Variants in FHAD1 observed in about 807,000 individuals in gnomAD.
The protein encoded by FHAD1 is forkhead associated phosphopeptide binding domain 1, also known as forkhead-associated domain-containing protein 1.
Under a neutral mutation model 191.3 loss-of-function variants are expected in FHAD1, and 146 were observed. That is an observed-to-expected ratio of 0.76 (90% CI 0.67 to 0.88). The LOEUF (loss-of-function observed/expected upper bound fraction) is 0.88. FHAD1 is among the 40% of genes least tolerant of loss of function. The probability of loss-of-function intolerance (pLI) is 0.00; values close to 1 mark genes in which losing one functional copy is unlikely to be tolerated. For missense variants in FHAD1, 1,635 were observed against 1,785.8 expected, an observed-to-expected ratio of 0.92 and a Z score of 1.52; for synonymous variants, 616 against 672.3, an observed-to-expected ratio of 0.92 and a Z score of 1.29.
intron 26 of FHAD1, among the ~76,000 whole-genome samples, chr1:15,373,286 G>A (rs527719286): frequency 1.3e-4 from 19 of 151,952 alleles, no homozygotes; most frequent in South Asian, 1.0e-3. Flanking sequence ...CGAGGGAGGC[G>A]GATCACGAGG....
chr1:15,387,982 C>A, intron 31 of FHAD1, 69 bp from the exon 32 acceptor site: 2 of 857,818 alleles, frequency 2.3e-6, no homozygotes, highest in South Asian at 2.8e-5. Flanking sequence ...AGAGGCCTGT[C>A]CCAGATTGGA....
rs486557 is a variant in FHAD1, at chr1:15,289,643, G to A, written c.545G>A (p.Arg182His). The A allele has an allele frequency of 0.31, 484,801 of 1,548,806 alleles. 78,839 individuals are homozygous for A. The highest frequency in any genetic ancestry group is 0.35 in the Middle Eastern group (2,077 of 5,986). The change falls in exon 4 of 34, where the codon CGC becomes CAC. Residue 182 changes from arginine (R) to histidine (H), a missense_variant. Physicochemically the swap from Arg to His is conservative, Grantham distance 29 (BLOSUM62 0). Coordinates refer to ENST00000688493, the MANE Select transcript of FHAD1 (RefSeq NM_001391957.1). This position sits in a 1 kb window ranked among gnomAD's most constrained non-coding sequence, Gnocchi z 4.2. ...EMFSFVVDDA[R>H]KPPVIKQVWT... ...TTCTCGTTCGTGGTGGACGACGCCC[G>A]CAAGCCACCCGTCATCAAGCAAGGT...
chr1:15,283,623 A>G (rs547928428), intron 3 of FHAD1, among the ~76,000 whole-genome samples: 2 of 152,336 alleles, frequency 1.3e-5, no homozygotes, highest in African/African-American at 4.8e-5. Flanking sequence ...ATCGGCTCTC[A>G]TGAGCCAGCA....
intron 4 of FHAD1, among the ~76,000 whole-genome samples, chr1:15,290,983 G>A (rs1285276064): frequency 6.6e-6 from 1 of 151,956 alleles, no homozygotes; most frequent in African/African-American, 2.4e-5. Flanking sequence ...CAAAGTGCTG[G>A]GATTACAGAC....
chr1:15,345,789 T>C (rs1181353612), intron 18 of FHAD1, among the ~76,000 whole-genome samples: 1 of 152,070 alleles, frequency 6.6e-6, no homozygotes, highest in East Asian at 1.9e-4. Flanking sequence ...CAAGTAGGAA[T>C]GGTGACATGG....
intron 8 of FHAD1, among the ~76,000 whole-genome samples, chr1:15,313,422 A>G (rs1672932213): frequency 6.6e-6 from 1 of 152,194 alleles, no homozygotes; most frequent in African/African-American, 2.4e-5. Context: ...CTTTTCAAAG[A>G]TCGGCGTGCA....
chr1:15,310,802 A>T (rs1672041596), intron 7 of FHAD1, among the ~76,000 whole-genome samples: 1 of 152,068 alleles, frequency 6.6e-6, no homozygotes, highest in Non-Finnish European at 1.5e-5. Context: ...TCCTGCTTCC[A>T]CCCTGAGCCC....
rs534271632 is a variant in FHAD1, at chr1:15,388,245, C to G, written c.4269+114C>G. 8.8e-5 allele frequency: 47 copies of G among 536,026 alleles called. No individual in the cohort carries two copies. The East Asian group carries it at 3.3e-3, about 38-fold the overall frequency. The allele number at this position is 536,026 out of a possible 1,614,324, so 33.2% of individuals were successfully genotyped here. A position where few individuals can be genotyped will look rare whatever the true frequency, so the allele number is the denominator to read the frequency against. On this transcript the variant is annotated intron_variant, in intron 32 of 33. Coordinates refer to ENST00000688493, the MANE Select transcript of FHAD1 (RefSeq NM_001391957.1). ...GCTGCCCAAGGAGCACTGCACACCT[C>G]CCTCCTTCCCTTCCCTCCCCAGCCT...
chr1:15,322,593 A>G (rs1192806914), intron 10 of FHAD1, among the ~76,000 whole-genome samples: 3 of 152,242 alleles, frequency 2.0e-5, no homozygotes, highest in African/African-American at 4.8e-5. Context: ...TGTAAAATTC[A>G]GTCCCTCAGT....
chr1:15,398,823 CTT>C (rs1172501958), downstream of FHAD1, among the ~76,000 whole-genome samples: 6 of 142,738 alleles, frequency 4.2e-5, no homozygotes, highest in Admixed American at 1.4e-4. Flanking sequence ...ATCATGAATA[CTT>C]TTTTTTTTTT....
At chr1:15,255,389 G>C (rs755795166) in intron 2 of FHAD1, among the ~76,000 whole-genome samples, 18 of 152,214 alleles carry the variant, frequency 1.2e-4, no homozygotes, top group Non-Finnish European at 1.9e-4. Flanking sequence ...AAAATCACTT[G>C]TAATCATGTG....
chr1:15,360,986 C>T (rs1455505821), intron 22 of FHAD1, among the ~76,000 whole-genome samples: 4 of 152,172 alleles, frequency 2.6e-5, no homozygotes, highest in East Asian at 3.8e-4. Context: ...GCGAGGGCAG[C>T]GCGAAGTGGA....
rs1460761298 is a variant in FHAD1, at chr1:15,392,141, T to C, written c.4323+878T>C. Reference sequence around the variant, plus strand: ...GCCTAAGAACAGAGTGATCTTCCCATTTATCCAGCCCTCCAGCCACAGCTT... The same window carrying C: ...GCCTAAGAACAGAGTGATCTTCCCACTTATCCAGCCCTCCAGCCACAGCTT... On this transcript the variant is annotated intron_variant, in intron 33 of 33. Transcript: ENST00000688493. 2.6e-5 allele frequency among the ~76,000 whole-genome samples: 4 copies of C among 152,186 alleles called. 1 individual carries two copies. Among genetic ancestry groups the C allele is most frequent in the African/African-American group, 9.7e-5 (4 of 41,444 alleles).
At chr1:15,267,940 G>T in intron 2 of FHAD1, among the ~76,000 whole-genome samples, 1 of 89,112 alleles carries the variant, frequency 1.1e-5, no homozygotes, top group African/African-American at 4.4e-5. Flanking sequence ...ATATAAATAG[G>T]AATATAAAAA....
intron 1 of FHAD1, among the ~76,000 whole-genome samples, chr1:15,237,259 A>C (rs1279347938): frequency 1.3e-5 from 2 of 152,232 alleles, no homozygotes; most frequent in Non-Finnish European, 1.5e-5. Context: ...TGTGAAAGCC[A>C]AAGAAACATG....
chr1:15,327,405 G>C lies in FHAD1; in HGVS notation c.1557+263G>C. On this transcript the variant is annotated intron_variant, in intron 12 of 33. Transcript: ENST00000688493. The surrounding 1 kb of genome is among the most constrained non-coding windows in gnomAD (Gnocchi z 5.1). ...TTACTTCTGGTCTCCAGACATGCAT[G>C]TTTCGCCTCCATTAGCACTGGGAGA... The C allele has an allele frequency of 2.6e-6, 1 of 382,378 alleles. No individual in the cohort carries two copies. The allele number at this position is 382,378 out of a possible 1,614,324, so 23.7% of individuals were successfully genotyped here.
intron 16 of FHAD1, among the ~76,000 whole-genome samples, chr1:15,342,265 T>G (rs537496708): frequency 1.3e-5 from 2 of 152,312 alleles, no homozygotes; most frequent in East Asian, 1.9e-4. Flanking sequence ...TGCTTTCTCT[T>G]TATACATATC....
intron 2 of FHAD1, 101 bp downstream of exon 2, chr1:15,251,978 A>T (rs1259163682): frequency 4.2e-6 from 4 of 961,276 alleles, no homozygotes; most frequent in East Asian, 2.6e-5. Context: ...CTTGTACACC[A>T]CAACCTGGGC....
intron 20 of FHAD1, among the ~76,000 whole-genome samples, chr1:15,354,342 C>T (rs1017862983): frequency 6.6e-6 from 1 of 152,188 alleles, no homozygotes; most frequent in African/African-American, 2.4e-5. Flanking sequence ...GTCCAGAAGG[C>T]ACATCTGGAT....
Sources: allele counts gnomAD v4.1 joint callset (sites outside exome capture counted in the v4.1 genomes callset), GRCh38; gene constraint gnomAD v4.1.1; non-coding constraint Gnocchi (gnomAD v3.1); transcripts MANE v1.5; gene names NCBI Gene and HGNC (gene_info 2026-07-23, HGNC 2026-07-21).